ZSCAN5B: variants seen among roughly 807,000 people sequenced by gnomAD.
ZSCAN5B encodes the protein zinc finger and SCAN domain containing 5B.
In ZSCAN5B, 26 loss-of-function variants were observed where a neutral mutation model predicts 25.2. That is an observed-to-expected ratio of 1.03 (90% CI 0.76 to 1.43). The LOEUF is 1.43. ZSCAN5B is among the 40% of genes most tolerant of loss of function. The probability of loss-of-function intolerance (pLI) is 0.00; values close to 1 mark genes in which losing one functional copy is unlikely to be tolerated. For synonymous variants in ZSCAN5B, 244 were observed against 240.9 expected (o/e 1.01, Z -0.12); for missense variants, 745 against 622.1 (o/e 1.20, Z -2.10).
intron 1 of ZSCAN5B, among the ~76,000 whole-genome samples, chr19:56,194,995 A>G (rs2032791529): frequency 6.6e-6 from 1 of 152,210 alleles, no homozygotes; most frequent in African/African-American, 2.4e-5. Flanking sequence ...TTATCACCCA[A>G]GTTCAACAGC....
intron 1 of ZSCAN5B, among the ~76,000 whole-genome samples, chr19:56,195,545 A>G (rs1269560445): frequency 6.6e-6 from 1 of 151,680 alleles, no homozygotes; most frequent in Non-Finnish European, 1.5e-5. Flanking sequence ...TGTAAATTAG[A>G]GCAGCCGATA....
intron 3 of ZSCAN5B, 47 bp from the exon 4 acceptor site, chr19:56,191,034 G>A: frequency 1.2e-6 from 2 of 1,612,396 alleles, no homozygotes; most frequent in Admixed American, 1.7e-5. Context: ...CTATACTGGT[G>A]GAAGTAGGGA....
intron 1 of ZSCAN5B, among the ~76,000 whole-genome samples, chr19:56,196,698 C>G (rs2032814825): frequency 6.6e-6 from 1 of 152,202 alleles, no homozygotes; most frequent in Non-Finnish European, 1.5e-5. Flanking sequence ...ATCACTTCAG[C>G]CCAGCAGTGA....
At chr19:56,192,465 A>G (rs562937284) in intron 2 of ZSCAN5B, among the ~76,000 whole-genome samples, 1 of 152,228 alleles carries the variant, frequency 6.6e-6, no homozygotes, top group South Asian at 2.1e-4. Context: ...CTCCTTCCCT[A>G]CGTTCCATCA....
rs2032791652 is a variant in ZSCAN5B at position 56,195,001 on chromosome 19, A to G, written c.-127-1822T>C. ...AGGCATCAATTATCACCCAAGTTCA[A>G]CAGCTATGAGAACACAGCCCTGCTT... On this transcript the variant is annotated intron_variant, in intron 1 of 4. Coordinates refer to ENST00000586855, the Ensembl canonical transcript of ZSCAN5B. Among the ~76,000 whole-genome samples the G allele has an allele frequency of 5.9e-5, 9 of 152,348 alleles. No homozygotes were observed. In the South Asian group the frequency reaches 1.9e-3, roughly 32 times the overall value.
At position 56,197,715 on chromosome 19, in the gene ZSCAN5B, A is replaced by G. The variant is rs544382747; in HGVS notation, c.-128+19T>C. The G allele has an allele frequency of 5.9e-4, 582 of 984,822 alleles. No homozygotes were observed. The highest frequency in any genetic ancestry group is 6.7e-4 in the Non-Finnish European group (556 of 829,582). 61.0% of individuals were successfully genotyped at this position (984,822 alleles called of 1,614,324 possible). ...ATGCCAGCTCCGAAACCCCACAGCC[A>G]TCGCCGCTGGACACTCACCTCCTTC... On this transcript the variant is annotated intron_variant, in intron 1 of 4. Transcript: ENST00000586855.
exon 5 of ZSCAN5B, chr19:56,190,268 G>A (rs370948217): frequency 4.0e-5 from 65 of 1,614,080 alleles, no homozygotes; most frequent in Middle Eastern, 1.6e-4. Flanking sequence ...GCAGGGCCTT[G>A]GCTTCTTGGC....
exon 2 of ZSCAN5B, chr19:56,193,122 A>T (rs1379645893): frequency 6.9e-6 from 10 of 1,439,144 alleles, no homozygotes; most frequent in Non-Finnish European, 9.2e-6. Context: ...ATTGAGACCT[A>T]TTTACACAGG....
intron 1 of ZSCAN5B, among the ~76,000 whole-genome samples, chr19:56,195,422 C>G (rs1599941422): frequency 6.6e-6 from 1 of 151,964 alleles, no homozygotes; most frequent in East Asian, 1.9e-4. Context: ...CATGCAAATC[C>G]AAACCACAAG....
At chr19:56,190,478 T>C in exon 5 of ZSCAN5B, 1 of 1,614,046 alleles carries the variant, frequency 6.2e-7, no homozygotes, top group South Asian at 1.1e-5. Flanking sequence ...GAGTCAAAGC[T>C]TCTCTCTCCA....
At chr19:56,191,881 A>C in exon 3 of ZSCAN5B, 3 of 1,614,026 alleles carry the variant, frequency 1.9e-6, no homozygotes, top group Non-Finnish European at 2.5e-6. Flanking sequence ...GACCCTGGGC[A>C]GGATCTGCTG....
rs571770602 is a variant in ZSCAN5B, at chr19:56,193,015, C to T, written c.38G>A (p.Gly13Glu). 3.5e-5 allele frequency: 56 copies of T among 1,593,084 alleles called. No individual in the cohort carries two copies. The South Asian group carries it at 5.7e-4, about 16-fold the overall frequency. ...GTCTGACCCAGGGCTGTTGCAGGGT[C>T]CTCCCTGACCCCATGAGAGTGTCCA... is the stretch of plus-strand genomic sequence containing the variant. Residue 13 changes from glycine (G) to glutamate (E), a missense_variant, in exon 2 of 5, where the codon GGA becomes GAA. Gly to Glu is a moderately conservative substitution (Grantham distance 98). Transcript: ENST00000586855.
intron 3 of ZSCAN5B, 36 bp downstream of exon 3, chr19:56,191,814 C>T: frequency 6.2e-7 from 1 of 1,603,116 alleles, no homozygotes; most frequent in Non-Finnish European, 8.5e-7. Context: ...TTCCTTCTCC[C>T]ACCTCTGCCC....
At position 56,191,938 on chromosome 19, in the gene ZSCAN5B, G is replaced by A. The variant is rs2032741115; in HGVS notation, c.500C>T (p.Ser167Phe). Residue 167 changes from serine (S) to phenylalanine (F), a missense_variant, in exon 3 of 5, where the codon TCC becomes TTC. By Grantham distance (155) the Ser-to-Phe change is radical. Coordinates refer to ENST00000586855, the Ensembl canonical transcript of ZSCAN5B. ...CCCCGGATGCATCTGGTTCACAGAG[G>A]AGGCCCACTGGCTGGACACGTCTCT... 3 of 1,613,966 alleles carry A rather than the reference G, an allele frequency of 1.9e-6. No homozygotes were observed. In the African/African-American group the frequency reaches 4.0e-5, roughly 22 times the overall value.
rs534584381 is a variant in ZSCAN5B at position 56,190,144 on chromosome 19, G to A, written c.1171C>T (p.Arg391Cys). The change falls in exon 5 of 5, where the codon CGC (arginine) becomes TGC (cysteine). Residue 391 changes from arginine (R) to cysteine (C), a missense_variant. Transcript: ENST00000586855. The stretch of plus-strand genomic sequence containing the variant: ...CGGAGGTCTGAGGGCTGCAAGAAGC[G>A]CTTCCGACAGAGATCACATTGAAAG... 1.2e-5 allele frequency: 20 copies of A among 1,613,910 alleles called. No individual in the cohort carries two copies. In the African/African-American group the frequency reaches 1.3e-4, roughly 11 times the overall value.
chr19:56,190,736 G>A (rs1568584132), intron 4 of ZSCAN5B, 101 bp downstream of exon 4: 2 of 1,543,548 alleles, frequency 1.3e-6, no homozygotes, highest in East Asian at 2.2e-5. Flanking sequence ...AGAGATTTTG[G>A]CAGCTGATCG....
At chr19:56,189,688 A>T (rs1425557434) in exon 5 of ZSCAN5B, 3 of 1,062,966 alleles carry the variant, frequency 2.8e-6, no homozygotes, top group Non-Finnish European at 1.3e-6. Flanking sequence ...AACAAAACTC[A>T]TGGGGGAGGA....
At chr19:56,197,100 G>T (rs2032819935) in intron 1 of ZSCAN5B, among the ~76,000 whole-genome samples, 1 of 152,130 alleles carries the variant, frequency 6.6e-6, no homozygotes, top group African/African-American at 2.4e-5. Context: ...AAATGAGCGA[G>T]ACCCCGTCTC....
intron 3 of ZSCAN5B, among the ~76,000 whole-genome samples, chr19:56,191,321 C>G (rs114389602): frequency 0.043 from 6,485 of 152,256 alleles, 462 homozygotes; most frequent in African/African-American, 0.15. Flanking sequence ...GCATCATCCT[C>G]CTGGAGGGGG....
Sources: gnomAD v4.1 joint callset for allele counts (sites outside exome capture counted in the v4.1 genomes callset) on GRCh38, gnomAD v4.1.1 for gene constraint, MANE v1.5 for transcripts, NCBI Gene and HGNC (gene_info 2026-07-23, HGNC 2026-07-21) for gene names.